KRT86: variants seen among roughly 807,000 people sequenced by gnomAD.
KRT86 encodes the protein keratin 86.
KRT86 carries 30 observed loss-of-function variants against 41.2 expected under a neutral mutation model. That is an observed-to-expected ratio of 0.73 (90% confidence interval 0.54 to 0.99). The LOEUF (loss-of-function observed/expected upper bound fraction) is 0.99, where lower values mean the gene tolerates loss of function less well. Among genes scored for constraint, KRT86 ranks in the 50% least tolerant of loss-of-function variants. The pLI is 0.00. For synonymous variants in KRT86, 238 were observed against 238.1 expected, an observed-to-expected ratio of 1.00 and a Z score of 0.00; for missense variants, 561 against 571.4, an observed-to-expected ratio of 0.98 and a Z score of 0.19.
At chr12:52,301,435 G>A (rs544102710) in intron 2 of KRT86, among the ~76,000 whole-genome samples, 1 of 151,950 alleles carries the variant, frequency 6.6e-6, no homozygotes, top group South Asian at 2.1e-4. Flanking sequence ...TCCACATCAA[G>A]GGATTCCCCC....
chr12:52,301,902 TC>T lies in KRT86; in HGVS notation c.-4-7del. On this transcript the variant is annotated splice_polypyrimidine_tract_variant and intron_variant, in intron 2 of 10. Coordinates refer to ENST00000423955, the MANE Select transcript of KRT86 (RefSeq NM_001320198.2). ...TCTCCATCCTCAGAACCTCCTCTCT[TC>T]CCCAAAAAGCACCATGACTTGTGGA... The T allele has an allele frequency of 1.2e-6, 2 of 1,613,706 alleles. No individual in the cohort carries two copies. Among genetic ancestry groups the T allele is most frequent in the Non-Finnish European group, 1.7e-6 (2 of 1,179,734 alleles).
intron 9 of KRT86, 115 bp from the exon 10 acceptor site, chr12:52,308,118 C>A: frequency 1.4e-6 from 2 of 1,402,828 alleles, no homozygotes; most frequent in Non-Finnish European, 2.0e-6. Flanking sequence ...GCATTTCTTG[C>A]CCCTTCCCTT....
At chr12:52,304,824 A>T (rs1253302611) in intron 5 of KRT86, 108 bp from the exon 6 acceptor site, 3 of 1,211,956 alleles carry the variant, frequency 2.5e-6, no homozygotes, top group East Asian at 2.3e-5. Flanking sequence ...TGGGAATGAG[A>T]CACTGGGGAC....
At chr12:52,299,545 T>A (rs1592434007) in intron 2 of KRT86, among the ~76,000 whole-genome samples, 1 of 152,240 alleles carries the variant, frequency 6.6e-6, no homozygotes, top group Admixed American at 6.5e-5. Flanking sequence ...GTGGCTGTAG[T>A]AACTTACATC....
At chr12:52,275,436 AT>A (rs11343520) in intron 1 of KRT86, among the ~76,000 whole-genome samples, 24,648 of 152,082 alleles carry the variant, frequency 0.16, 2,240 homozygotes, top group Non-Finnish European at 0.21. Flanking sequence ...AATTTCATTA[AT>A]TTTTTTTGTA....
intron 2 of KRT86, among the ~76,000 whole-genome samples, chr12:52,295,754 T>G (rs1219936536): frequency 1.3e-5 from 2 of 152,226 alleles, no homozygotes; most frequent in African/African-American, 4.8e-5. Context: ...GCTCAATAAA[T>G]ATTTTTTGAA....
intron 2 of KRT86, chr12:52,286,442 C>T: frequency 6.4e-7 from 1 of 1,552,930 alleles, no homozygotes; most frequent in African/African-American, 1.4e-5. Flanking sequence ...TGGCCGGGAG[C>T]CTGACACGCA....
chr12:52,305,450 G>T, intron 7 of KRT86, 46 bp downstream of exon 7: 1 of 1,613,978 alleles, frequency 6.2e-7, no homozygotes, highest in South Asian at 1.1e-5. Context: ...CAGTGGGAGG[G>T]ATTTGAGATT....
At chr12:52,301,795 T>C (rs1389011666) in intron 2 of KRT86, 118 bp from the exon 3 acceptor site, 7 of 1,605,776 alleles carry the variant, frequency 4.4e-6, no homozygotes, top group South Asian at 3.3e-5. Flanking sequence ...GTGGTCACAG[T>C]CTCCCCACTT....
At position 52,304,996 on chromosome 12, in the gene KRT86, A is replaced by G. The variant is rs761368875; in HGVS notation, c.704A>G (p.Glu235Gly). 2.5e-6 allele frequency: 4 copies of G among 1,614,122 alleles called. No homozygotes were observed. The South Asian group carries it at 4.4e-5, about 18-fold the overall frequency. The change falls in exon 6 of 11, where the codon GAG becomes GGG. Residue 235 changes from glutamate (E) to glycine (G), a missense_variant. This residue lies in a region of KRT86 where 397 missense variants were observed against 375.9 expected (regional missense o/e 1.06). Transcript: ENST00000423955. ...LEANVEALIQ[E>G]IDFLRRLYEE... is the part of the protein sequence containing the mutation. ...GCCAATGTGGAGGCCCTGATCCAGG[A>G]GATCGACTTCCTGAGGCGGCTGTAT... is the stretch of plus-strand genomic sequence containing the variant.
intron 2 of KRT86, among the ~76,000 whole-genome samples, chr12:52,278,126 T>C (rs1313692404): frequency 1.3e-5 from 2 of 152,158 alleles, no homozygotes; most frequent in Non-Finnish European, 2.9e-5. Context: ...GGCTTGGCTT[T>C]CAACTCAGTA....
intron 2 of KRT86, among the ~76,000 whole-genome samples, chr12:52,282,923 A>G (rs1473285775): frequency 6.6e-6 from 1 of 152,252 alleles, no homozygotes; most frequent in African/African-American, 2.4e-5. Context: ...GTTTCCACAC[A>G]GGTGCCTGGA....
chr12:52,306,294 A>G lies in KRT86; in HGVS notation c.1247+14A>G. The G allele has an allele frequency of 6.2e-7, 1 of 1,613,008 alleles. No individual in the cohort carries two copies. The highest frequency in any genetic ancestry group is 1.1e-5 in the South Asian group (1 of 91,012). ...CGAGGAGCAGAGGTGGGTCCCATAG[A>G]CCTTTCCCTTTCCCAGCCCTGCCAG... On this transcript the variant is annotated intron_variant, in intron 9 of 10. Coordinates refer to ENST00000423955, the MANE Select transcript of KRT86 (RefSeq NM_001320198.2).
At chr12:52,288,547 G>A (rs943854591) in intron 2 of KRT86, 45 of 1,464,402 alleles carry the variant, frequency 3.1e-5, no homozygotes, top group Non-Finnish European at 6.7e-6. Flanking sequence ...GTAGCCAGGG[G>A]AAAGCAGTCC....
At chr12:52,283,451 G>A (rs1937828020) in intron 2 of KRT86, among the ~76,000 whole-genome samples, 2 of 117,382 alleles carry the variant, frequency 1.7e-5, no homozygotes, top group South Asian at 2.9e-4. Context: ...AGGGATGTTA[G>A]TAGCCACCTA....
chr12:52,278,710 T>C (rs1342890994), intron 2 of KRT86, among the ~76,000 whole-genome samples: 2 of 152,134 alleles, frequency 1.3e-5, no homozygotes, highest in Non-Finnish European at 2.9e-5. Flanking sequence ...GCTGGCATGG[T>C]CGGATCTTAT....
intron 2 of KRT86, among the ~76,000 whole-genome samples, chr12:52,292,096 A>C (rs1938144079): frequency 6.6e-6 from 1 of 152,224 alleles, no homozygotes; most frequent in Non-Finnish European, 1.5e-5. Context: ...CAGATTATTA[A>C]ATATTTGTCT....
chr12:52,287,759 G>A (rs1331085526), intron 2 of KRT86: 3 of 1,613,974 alleles, frequency 1.9e-6, no homozygotes, highest in Non-Finnish European at 2.5e-6. Context: ...TTCAGGGTGG[G>A]ACCTCCCATC....
At chr12:52,288,665 C>G (rs1938046675) in intron 2 of KRT86, among the ~76,000 whole-genome samples, 1 of 152,080 alleles carries the variant, frequency 6.6e-6, no homozygotes, top group South Asian at 2.1e-4. Context: ...CATGCCTCAC[C>G]AGCCTTTCAC....
Sources: allele counts gnomAD v4.1 joint callset (sites outside exome capture counted in the v4.1 genomes callset), GRCh38; gene constraint gnomAD v4.1.1; regional missense constraint gnomAD v4.1.1; transcripts MANE v1.5; gene names NCBI Gene and HGNC (gene_info 2026-07-23, HGNC 2026-07-21).